The following VANGL2 variants were observed in gnomAD, a reference collection of about 807,000 sequenced individuals.
VANGL2 encodes vang-like protein 2.
In VANGL2, 14 loss-of-function variants were observed where a neutral mutation model predicts 50.2. The observed-to-expected ratio is 0.28, with a 90% CI of 0.18 to 0.44. VANGL2 has a LOEUF of 0.44. Among genes scored for constraint, VANGL2 ranks in the 20% least tolerant of loss-of-function variants. The pLI is 1.00. For missense variants in VANGL2, 533 were observed against 701.5 expected (o/e 0.76, Z 2.71); for synonymous variants, 295 against 297.2 (o/e 0.99, Z 0.08).
At chr1:160,425,096 C>T in intron 7 of VANGL2, 22 bp from the exon 8 acceptor site, 2 of 1,613,942 alleles carry the variant, frequency 1.2e-6, no homozygotes, top group Non-Finnish European at 1.7e-6. Context: ...GATTCTTATG[C>T]AGCCCCTTCT....
chr1:160,425,417 C>T lies in VANGL2; in HGVS notation c.*39C>T, dbSNP rs781365298. The T allele has an allele frequency of 7.1e-7, 1 of 1,412,554 alleles. No homozygotes were observed. 87.5% of individuals were successfully genotyped at this position (1,412,554 alleles called of 1,614,324 possible). A position where few individuals can be genotyped will look rare whatever the true frequency, so the allele number is the denominator to read the frequency against. On this transcript the variant is annotated 3_prime_UTR_variant, in exon 8 of 8. Transcript: ENST00000368061. ...GGGGGAGTGGGAAACTCTGGGGGGT[C>T]CTGAGGGGGTGGGAGGGGGCTTGGT...
At chr1:160,406,280 G>A (rs1295592611) in intron 1 of VANGL2, among the ~76,000 whole-genome samples, 1 of 152,138 alleles carries the variant, frequency 6.6e-6, no homozygotes. Flanking sequence ...CGGTCTGATT[G>A]CTCATTATTG....
intron 1 of VANGL2, among the ~76,000 whole-genome samples, chr1:160,410,435 C>T (rs981338160): frequency 5.3e-5 from 8 of 152,120 alleles, no homozygotes; most frequent in East Asian, 1.9e-4. Context: ...GTCTCATTAC[C>T]TCACCCCAGG....
At position 160,420,492 on chromosome 1, in the gene VANGL2, C is replaced by G; in HGVS notation, c.882C>G (p.Pro294=). The G allele has an allele frequency of 6.2e-7, 1 of 1,614,124 alleles. No homozygotes were observed. The highest frequency in any genetic ancestry group is 8.5e-7 in the Non-Finnish European group (1 of 1,180,016). ...PVYNPALLNL[P]KSVLAKKVSG... Reference sequence around the variant, plus strand: ...ACAACCCTGCCCTCCTCAACCTGCCCAAGTCCGTCCTGGCCAAGAAAGTGT... The same window carrying G: ...ACAACCCTGCCCTCCTCAACCTGCCGAAGTCCGTCCTGGCCAAGAAAGTGT... Residue 294 remains proline (P), a synonymous_variant, in exon 5 of 8, where the codon CCC becomes CCG. Transcript: ENST00000368061.
chr1:160,410,457 C>T (rs1295561511), intron 1 of VANGL2, among the ~76,000 whole-genome samples: 6 of 152,104 alleles, frequency 3.9e-5, no homozygotes, highest in Admixed American at 6.6e-5. Flanking sequence ...CTAAAGTAGC[C>T]GGGACTGGGC....
chr1:160,413,819 A>G (rs1369659734), intron 1 of VANGL2, among the ~76,000 whole-genome samples: 1 of 151,778 alleles, frequency 6.6e-6, no homozygotes, highest in African/African-American at 2.4e-5. Flanking sequence ...CTTTTCACAC[A>G]CTCAGTACCT....
Position 160,421,227 on chromosome 1 carries a change from G to A in VANGL2, c.1073+40G>A, listed in dbSNP as rs1356904301. 4 of 1,610,058 alleles carry A rather than the reference G, an allele frequency of 2.5e-6. No individual in the cohort carries two copies. The South Asian group carries it at 3.3e-5, about 13-fold the overall frequency. On this transcript the variant is annotated intron_variant, in intron 6 of 7. Transcript: ENST00000368061. The stretch of plus-strand genomic sequence containing the variant: ...GAGAAGAGGAGAGGAGGTGCTTGTT[G>A]GGTGAATGGGGAGAGGAAGACCAAG...
intron 3 of VANGL2, among the ~76,000 whole-genome samples, chr1:160,417,948 G>T (rs1571243763): frequency 2.5e-5 from 3 of 121,852 alleles, no homozygotes; most frequent in Non-Finnish European, 3.3e-5. Flanking sequence ...TTTCGCTCTT[G>T]TTGCCCAGGC....
At chr1:160,407,241 G>A (rs377714929) in intron 1 of VANGL2, among the ~76,000 whole-genome samples, 84 of 152,228 alleles carry the variant, frequency 5.5e-4, no homozygotes, top group African/African-American at 1.7e-3. Flanking sequence ...GGGGGTGGTC[G>A]CGATGGTGGA....
Position 160,421,121 on chromosome 1 carries a change from A to G in VANGL2, c.1007A>G (p.Asn336Ser), listed in dbSNP as rs761306594. The G allele has an allele frequency of 1.2e-6, 2 of 1,614,176 alleles. No homozygotes were observed. Among genetic ancestry groups the G allele is most frequent in the Non-Finnish European group, 8.5e-7 (1 of 1,180,032 alleles). Residue 336 changes from asparagine to serine, a missense_variant, in exon 6 of 8, where the codon AAC (asparagine) becomes AGC (serine). Transcript: ENST00000368061. ...VIAAAARRRD[N>S]SHNEYYYEEA... ...GCAGCGGCAGCTCGGAGGCGGGACA[A>G]CAGTCACAATGAGTACTACTATGAG...
chr1:160,411,951 C>G (rs1406589082), intron 1 of VANGL2, among the ~76,000 whole-genome samples: 3 of 152,136 alleles, frequency 2.0e-5, no homozygotes, highest in African/African-American at 7.2e-5. Flanking sequence ...TCCCTAGTCT[C>G]AGAGGAAGTG....
intron 1 of VANGL2, among the ~76,000 whole-genome samples, chr1:160,412,822 G>T (rs761831756): frequency 1.3e-5 from 2 of 152,130 alleles, no homozygotes; most frequent in Non-Finnish European, 2.9e-5. Context: ...TGGATGTTTT[G>T]GTCAACGATG....
At chr1:160,402,312 G>A (rs950144348) in intron 1 of VANGL2, among the ~76,000 whole-genome samples, 3 of 152,264 alleles carry the variant, frequency 2.0e-5, no homozygotes, top group African/African-American at 7.2e-5. Context: ...TGGATTCCCA[G>A]CCTTAGGTAA....
chr1:160,416,012 C>G (rs1191105588), intron 2 of VANGL2, 50 bp from the exon 3 acceptor site: 1 of 1,614,108 alleles, frequency 6.2e-7, no homozygotes, highest in East Asian at 2.2e-5. Flanking sequence ...GCTGAGAAGA[C>G]CCTGGTCCAC....
chr1:160,408,468 T>C (rs940310535), intron 1 of VANGL2, among the ~76,000 whole-genome samples: 1 of 152,110 alleles, frequency 6.6e-6, no homozygotes, highest in Non-Finnish European at 1.5e-5. Context: ...GCCCAGTCTG[T>C]GGGCCCTTCC....
At chr1:160,410,308 A>G (rs1650829989) in intron 1 of VANGL2, among the ~76,000 whole-genome samples, 1 of 151,960 alleles carries the variant, frequency 6.6e-6, no homozygotes, top group South Asian at 2.1e-4. Flanking sequence ...GATGAGGAAC[A>G]CTAGGTGCCC....
intron 7 of VANGL2, among the ~76,000 whole-genome samples, 199 bp from the exon 8 acceptor site, chr1:160,424,919 C>T (rs1245201599): frequency 2.6e-5 from 4 of 152,114 alleles, no homozygotes; most frequent in South Asian, 2.1e-4. Flanking sequence ...CTGTGCACTC[C>T]GGCTTCTTCA....
At position 160,419,013 on chromosome 1, in the gene VANGL2, G is replaced by T. The variant is rs781742166; in HGVS notation, c.204G>T (p.Trp68Cys). The T allele has an allele frequency of 6.2e-6, 10 of 1,606,078 alleles. No individual in the cohort carries two copies. The highest frequency in any genetic ancestry group is 7.7e-6 in the Non-Finnish European group (9 of 1,174,086). The change falls in exon 4 of 8, where the codon TGG (tryptophan) becomes TGT (cysteine). Residue 68 changes from tryptophan to cysteine, a missense_variant. Physicochemically the swap from Trp to Cys is radical, Grantham distance 215. Transcript: ENST00000368061. This position sits in a 1 kb window ranked among gnomAD's most constrained non-coding sequence, Gnocchi z 5.8. ...CCTTCTGCCTGTAGGATGACAACTG[G>T]GGGGAAACGACGACAGTAGTAACGG... is the stretch of plus-strand genomic sequence containing the variant. ...STRGDERDDN[W>C]GETTTVVTGT...
rs182583582 is a variant in VANGL2 at position 160,412,646 on chromosome 1, C to T, written c.-190-3002C>T. Among the ~76,000 whole-genome samples, 137 of 152,258 alleles carry T rather than the reference C, an allele frequency of 9.0e-4. 1 individual carries two copies. Among genetic ancestry groups the T allele is most frequent in the Admixed American group, 8.8e-3 (134 of 15,290 alleles). On this transcript the variant is annotated intron_variant, in intron 1 of 7. Transcript: ENST00000368061. ...TATGTCCCTGTCCTCTAAGTGTGTC[C>T]TTATCACGCACGTGCTTTGACATGG...
Sources: gnomAD v4.1 joint callset for allele counts (sites outside exome capture counted in the v4.1 genomes callset) on GRCh38, gnomAD v4.1.1 for gene constraint, Gnocchi (gnomAD v3.1) non-coding constraint, MANE v1.5 for transcripts, NCBI Gene and HGNC (gene_info 2026-07-23, HGNC 2026-07-21) for gene names.